GABRA1: variants seen among roughly 807,000 people sequenced by gnomAD.
GABRA1 encodes gamma-aminobutyric acid receptor subunit alpha-1.
A neutral mutation model predicts 48.9 loss-of-function variants in GABRA1; 9 were observed. The observed-to-expected ratio is 0.18, with a 90% CI of 0.11 to 0.32. GABRA1 has a LOEUF of 0.32. Among genes scored for constraint, GABRA1 ranks in the 10% least tolerant of loss-of-function variants. GABRA1 has a pLI of 1.00. For missense variants in GABRA1, 285 were observed against 553.8 expected (o/e 0.51, Z 4.87); for synonymous variants, 210 against 198.7 (o/e 1.06, Z -0.48).
At chr5:161,871,868 T>C (rs1754135696) in intron 4 of GABRA1, among the ~76,000 whole-genome samples, 1 of 152,190 alleles carries the variant, frequency 6.6e-6, no homozygotes, top group Non-Finnish European at 1.5e-5. Context: ...ATACATTTAA[T>C]AATAATTGTT....
intron 5 of GABRA1, 57 bp from the exon 6 acceptor site, chr5:161,875,503 T>G (rs1030813639): frequency 1.3e-5 from 17 of 1,339,062 alleles, no homozygotes; most frequent in Non-Finnish European, 1.8e-5. Context: ...CCACTTGTAC[T>G]TATCAAGAAG....
chr5:161,886,526 T>C (rs1754855174), intron 7 of GABRA1, among the ~76,000 whole-genome samples: 1 of 151,946 alleles, frequency 6.6e-6, no homozygotes, highest in Non-Finnish European at 1.5e-5. Context: ...ATCTCAGCAC[T>C]TTGGGAGGCT....
chr5:161,873,951 G>A (rs894464121), intron 5 of GABRA1, among the ~76,000 whole-genome samples: 4 of 152,066 alleles, frequency 2.6e-5, no homozygotes, highest in East Asian at 1.9e-4. Flanking sequence ...CTGAATGAAG[G>A]AAACATGAAT....
intron 3 of GABRA1, among the ~76,000 whole-genome samples, chr5:161,865,404 T>G (rs139680241): frequency 6.6e-6 from 1 of 152,164 alleles, no homozygotes; most frequent in Non-Finnish European, 1.5e-5. Context: ...CATGTTAATG[T>G]ATTTTCATTA....
At chr5:161,885,143 T>A (rs919317679) in intron 7 of GABRA1, among the ~76,000 whole-genome samples, 1 of 152,166 alleles carries the variant, frequency 6.6e-6, no homozygotes, top group Non-Finnish European at 1.5e-5. Flanking sequence ...AGAAGAACAA[T>A]GAGCAAATTC....
At chr5:161,891,083 G>C in intron 8 of GABRA1, 33 bp downstream of exon 8, 1 of 1,601,376 alleles carries the variant, frequency 6.2e-7, no homozygotes. Context: ...ACGCAAGGAA[G>C]GGTATGGAAG....
chr5:161,880,236 CA>C (rs1389149600), intron 6 of GABRA1, among the ~76,000 whole-genome samples: 2 of 152,144 alleles, frequency 1.3e-5, no homozygotes, highest in Non-Finnish European at 2.9e-5. Flanking sequence ...ACTTTTGAGG[CA>C]TTTGCAAATT....
At chr5:161,878,164 T>G (rs1054514185) in intron 6 of GABRA1, among the ~76,000 whole-genome samples, 1 of 152,196 alleles carries the variant, frequency 6.6e-6, no homozygotes, top group African/African-American at 2.4e-5. Context: ...GTTACAAGAC[T>G]CAGGCTTTAA....
At chr5:161,892,814 C>A (rs1166042935) in intron 8 of GABRA1, among the ~76,000 whole-genome samples, 3 of 151,856 alleles carry the variant, frequency 2.0e-5, no homozygotes, top group Non-Finnish European at 4.4e-5. Context: ...ACCATCCTGG[C>A]CAACATGGTG....
intron 3 of GABRA1, among the ~76,000 whole-genome samples, chr5:161,859,835 A>T (rs1440812456): frequency 6.6e-6 from 1 of 151,890 alleles, no homozygotes; most frequent in Non-Finnish European, 1.5e-5. Context: ...CGATTTCCAA[A>T]TAAAATTAAA....
intron 3 of GABRA1, among the ~76,000 whole-genome samples, chr5:161,864,503 G>A (rs1265049012): frequency 6.6e-6 from 1 of 152,068 alleles, no homozygotes; most frequent in East Asian, 1.9e-4. Flanking sequence ...TAAGGGAAAA[G>A]GGCCAGCTCT....
At chr5:161,851,247 T>C (rs1307949861) in intron 2 of GABRA1, among the ~76,000 whole-genome samples, 2 of 152,158 alleles carry the variant, frequency 1.3e-5, no homozygotes. Context: ...ACAAGAAAAT[T>C]TCTAGCCTAT....
chr5:161,888,502 T>A lies in GABRA1; in HGVS notation c.704-2396T>A, dbSNP rs562724694. 2.7e-4 allele frequency among the ~76,000 whole-genome samples: 41 copies of A among 152,228 alleles called. 1 individual carries two copies. Among genetic ancestry groups the A allele is most frequent in the South Asian group, 2.7e-3 (13 of 4,828 alleles). On this transcript the variant is annotated intron_variant, in intron 7 of 9. Coordinates refer to ENST00000393943, the MANE Select transcript of GABRA1 (RefSeq NM_001127644.2). ...TCCAAAAATTATATTCTTTTCAGGA[T>A]CTTTGCAAAAATGTCATGTTGAGAA...
chr5:161,890,153 T>C (rs1755025112), intron 7 of GABRA1, among the ~76,000 whole-genome samples: 1 of 152,014 alleles, frequency 6.6e-6, no homozygotes, highest in Admixed American at 6.5e-5. Flanking sequence ...TTTGAAGTGT[T>C]TAAGGACCTT....
chr5:161,889,916 A>G (rs998761647), intron 7 of GABRA1, among the ~76,000 whole-genome samples: 2 of 152,076 alleles, frequency 1.3e-5, no homozygotes, highest in African/African-American at 2.4e-5. Flanking sequence ...TTAAAAAAAA[A>G]GAGTGGCAGA....
At chr5:161,872,476 T>C (rs1401508008) in intron 4 of GABRA1, among the ~76,000 whole-genome samples, 1 of 152,114 alleles carries the variant, frequency 6.6e-6, no homozygotes, top group Non-Finnish European at 1.5e-5. Context: ...TTATTTTTGT[T>C]CTTTTTCTTT....
At chr5:161,880,770 G>T (rs1241558975) in intron 6 of GABRA1, among the ~76,000 whole-genome samples, 1 of 151,992 alleles carries the variant, frequency 6.6e-6, no homozygotes, top group Non-Finnish European at 1.5e-5. Context: ...TTTGTTTTAG[G>T]GACTGAAAGG....
intron 3 of GABRA1, 119 bp downstream of exon 3, chr5:161,854,389 A>G: frequency 1.4e-6 from 1 of 713,192 alleles, no homozygotes; most frequent in African/African-American, 1.7e-5. Flanking sequence ...TTAATGACAA[A>G]TCTATTTTTA....
At chr5:161,870,570 A>C (rs1212487110) in intron 4 of GABRA1, among the ~76,000 whole-genome samples, 1 of 148,116 alleles carries the variant, frequency 6.8e-6, no homozygotes, top group Non-Finnish European at 1.5e-5. Flanking sequence ...CTCCTTCAGA[A>C]AAAAAAAAAA....
Sources: allele counts gnomAD v4.1 joint callset (sites outside exome capture counted in the v4.1 genomes callset), GRCh38; gene constraint gnomAD v4.1.1; transcripts MANE v1.5; gene names NCBI Gene and HGNC (gene_info 2026-07-23, HGNC 2026-07-21).